Variants in CADM2 observed in about 807,000 individuals in gnomAD.
CADM2 encodes the protein cell adhesion molecule 2.
In CADM2, 12 loss-of-function variants were observed where a neutral mutation model predicts 49.8. The ratio of observed to expected loss-of-function variants is 0.24; its 90% confidence interval spans 0.15 to 0.39. CADM2 has a LOEUF of 0.39. Among genes scored for constraint, CADM2 ranks in the 10% least tolerant of loss-of-function variants. The pLI is 1.00. For missense variants in CADM2, 378 were observed against 492.3 expected, an observed-to-expected ratio of 0.77 and a Z score of 2.20; for synonymous variants, 214 against 175.4, an observed-to-expected ratio of 1.22 and a Z score of -1.74.
chr3:85,386,246 G>T (rs1289220030), intron 1 of CADM2, among the ~76,000 whole-genome samples: 1 of 152,120 alleles, frequency 6.6e-6, no homozygotes, highest in African/African-American at 2.4e-5. Context: ...TACTTTGAGA[G>T]ATATGCACTT....
At position 85,353,152 on chromosome 3, in the gene CADM2, A is replaced by T. The variant is rs570968435; in HGVS notation, c.62-373370A>T. ...TTCTTATTTTTTTATGCCTTGAAAA[A>T]TTGAAGAGAAAAGGAATATGTCATT... On this transcript the variant is annotated intron_variant, in intron 1 of 9. Coordinates refer to ENST00000383699, the MANE Select transcript of CADM2 (RefSeq NM_001167675.2). 5.3e-5 allele frequency among the ~76,000 whole-genome samples: 8 copies of T among 152,172 alleles called. No individual in the cohort carries two copies. The South Asian group carries it at 6.2e-4, about 12-fold the overall frequency.
At chr3:85,399,954 C>G (rs550105336) in intron 1 of CADM2, among the ~76,000 whole-genome samples, 1 of 152,066 alleles carries the variant, frequency 6.6e-6, no homozygotes, top group Non-Finnish European at 1.5e-5. Flanking sequence ...ATTGAATACC[C>G]TTTATTTCTT....
At chr3:85,639,522 CAGG>C (rs1667065965) in intron 1 of CADM2, among the ~76,000 whole-genome samples, 1 of 152,082 alleles carries the variant, frequency 6.6e-6, no homozygotes, top group African/African-American at 2.4e-5. Flanking sequence ...GCTCTACCAC[CAGG>C]AGTTGTCTTA....
chr3:85,575,627 A>AT (rs569147198), intron 1 of CADM2, among the ~76,000 whole-genome samples: 120 of 152,344 alleles, frequency 7.9e-4, no homozygotes, highest in Middle Eastern at 3.4e-3. Context: ...AGTATGCTAA[A>AT]TTTTTATGTA....
At chr3:85,334,757 A>T (rs2045031056) in intron 1 of CADM2, among the ~76,000 whole-genome samples, 1 of 151,550 alleles carries the variant, frequency 6.6e-6, no homozygotes, top group South Asian at 2.1e-4. Context: ...TTTTTCTTGA[A>T]TTTTGATTAC....
chr3:84,968,510 C>CA (rs2031181734), intron 1 of CADM2, among the ~76,000 whole-genome samples: 1 of 151,982 alleles, frequency 6.6e-6, no homozygotes, highest in Non-Finnish European at 1.5e-5. Flanking sequence ...TTTCTGAAGG[C>CA]AATTATATAT....
intron 1 of CADM2, among the ~76,000 whole-genome samples, chr3:85,476,448 C>G (rs1263648209): frequency 6.6e-6 from 1 of 151,726 alleles, no homozygotes; most frequent in East Asian, 1.9e-4. Context: ...ATAAATATAG[C>G]AGAGTGGCAA....
At chr3:85,311,385 AT>A (rs4053317) in intron 1 of CADM2, among the ~76,000 whole-genome samples, 1 of 146,210 alleles carries the variant, frequency 6.8e-6, no homozygotes, top group Non-Finnish European at 1.5e-5. Flanking sequence ...TATTATTATT[AT>A]TTTTTTTGAA....
chr3:84,970,381 ACT>A (rs975106172), intron 1 of CADM2, among the ~76,000 whole-genome samples: 42 of 151,534 alleles, frequency 2.8e-4, no homozygotes, highest in African/African-American at 7.7e-4. Context: ...GGGAGAAAAG[ACT>A]CTACAATTTG....
chr3:86,040,262 G>T (rs528273253), intron 8 of CADM2, among the ~76,000 whole-genome samples: 2 of 152,086 alleles, frequency 1.3e-5, no homozygotes, highest in Non-Finnish European at 2.9e-5. Flanking sequence ...AGAGAAGAAG[G>T]CTTCAGATGA....
At chr3:85,676,723 A>G (rs758750743) in intron 1 of CADM2, among the ~76,000 whole-genome samples, 10 of 152,098 alleles carry the variant, frequency 6.6e-5, no homozygotes, top group East Asian at 1.9e-4. Context: ...TCATATGACA[A>G]TCTTTCCACC....
At chr3:85,966,272 T>A (rs7625223) in intron 8 of CADM2, among the ~76,000 whole-genome samples, 105,165 of 151,556 alleles carry the variant, frequency 0.69, 38,014 homozygotes, top group African/African-American at 0.91. Flanking sequence ...AAGGATAATG[T>A]TTAGAGCTTT....
chr3:85,195,283 G>A (rs1021305064), intron 1 of CADM2, among the ~76,000 whole-genome samples: 3 of 151,946 alleles, frequency 2.0e-5, no homozygotes, highest in African/African-American at 7.2e-5. Context: ...AAAAAACTAT[G>A]TATTGGCTTT....
intron 1 of CADM2, among the ~76,000 whole-genome samples, chr3:85,342,163 C>T (rs1199229716): frequency 6.6e-6 from 1 of 151,900 alleles, no homozygotes; most frequent in African/African-American, 2.4e-5. Flanking sequence ...AAAAAATTTA[C>T]TAGAAAAAAA....
intron 1 of CADM2, among the ~76,000 whole-genome samples, chr3:85,327,851 C>G (rs777276189): frequency 6.6e-6 from 1 of 152,016 alleles, no homozygotes; most frequent in African/African-American, 2.4e-5. Context: ...TATTTCAAAA[C>G]GTAACAATTT....
At chr3:85,144,559 C>T (rs2039674085) in intron 1 of CADM2, among the ~76,000 whole-genome samples, 1 of 149,904 alleles carries the variant, frequency 6.7e-6, no homozygotes, top group South Asian at 2.1e-4. Context: ...TTGCAGTGAG[C>T]CAAGATCGCA....
At chr3:85,962,444 C>G (rs1724957589) in intron 8 of CADM2, among the ~76,000 whole-genome samples, 1 of 151,790 alleles carries the variant, frequency 6.6e-6, no homozygotes, top group Non-Finnish European at 1.5e-5. Flanking sequence ...ATTTAAAGTT[C>G]CTACAGACTT....
chr3:85,325,008 A>G (rs1460808590), intron 1 of CADM2, among the ~76,000 whole-genome samples: 1 of 152,226 alleles, frequency 6.6e-6, no homozygotes, highest in Non-Finnish European at 1.5e-5. Flanking sequence ...ATTAAAAATC[A>G]AAGCTAAGGA....
intron 3 of CADM2, among the ~76,000 whole-genome samples, chr3:85,880,617 C>T (rs953689262): frequency 6.6e-6 from 1 of 152,190 alleles, no homozygotes; most frequent in African/African-American, 2.4e-5. Context: ...AAATGCACCA[C>T]TTCCTCTGGC....
Sources: gnomAD v4.1 joint callset for allele counts (sites outside exome capture counted in the v4.1 genomes callset) on GRCh38, gnomAD v4.1.1 for gene constraint, MANE v1.5 for transcripts, NCBI Gene and HGNC (gene_info 2026-07-23, HGNC 2026-07-21) for gene names.